The following KCNAB1 variants were observed in gnomAD, a reference collection of about 807,000 sequenced individuals.
KCNAB1 encodes voltage-gated potassium channel subunit beta-1.
A neutral mutation model predicts 64.6 loss-of-function variants in KCNAB1; 35 were observed. The ratio of observed to expected loss-of-function variants is 0.54; its 90% CI spans 0.41 to 0.72. The LOEUF (loss-of-function observed/expected upper bound fraction) is 0.72, where lower values mean the gene tolerates loss of function less well. Among genes scored for constraint, KCNAB1 ranks in the 30% least tolerant of loss-of-function variants. The probability of loss-of-function intolerance (pLI) is 0.00; values close to 1 mark genes in which losing one functional copy is unlikely to be tolerated. For missense variants in KCNAB1, 401 were observed against 512.9 expected, an observed-to-expected ratio of 0.78 and a Z score of 2.11; for synonymous variants, 177 against 183.8, an observed-to-expected ratio of 0.96 and a Z score of 0.30.
intron 1 of KCNAB1, among the ~76,000 whole-genome samples, chr3:156,136,994 G>C (rs966742979): frequency 6.6e-6 from 1 of 152,090 alleles, no homozygotes; most frequent in Non-Finnish European, 1.5e-5. Context: ...TATAGATGTA[G>C]TCACCAATAA....
At chr3:156,503,847 G>A (rs981761120) in intron 8 of KCNAB1, among the ~76,000 whole-genome samples, 9 of 152,130 alleles carry the variant, frequency 5.9e-5, no homozygotes, top group Non-Finnish European at 1.0e-4. Context: ...AATGTGTTGT[G>A]ATCAAATCAA....
chr3:156,324,635 A>G (rs902560176), intron 1 of KCNAB1, among the ~76,000 whole-genome samples: 2 of 152,186 alleles, frequency 1.3e-5, no homozygotes, highest in South Asian at 4.1e-4. Context: ...GCCAGCAGTC[A>G]CAGGCCTCTC....
intron 1 of KCNAB1, among the ~76,000 whole-genome samples, chr3:156,416,636 C>T (rs1446773775): frequency 6.6e-6 from 1 of 152,170 alleles, no homozygotes; most frequent in Non-Finnish European, 1.5e-5. Context: ...ATACCTGTCT[C>T]ACCTCCTATG....
At chr3:156,282,236 T>C (rs1416258816) in intron 1 of KCNAB1, among the ~76,000 whole-genome samples, 3 of 149,624 alleles carry the variant, frequency 2.0e-5, no homozygotes, top group African/African-American at 7.5e-5. Context: ...CAGTAGTCAT[T>C]CAGGAGCAGG....
intron 1 of KCNAB1, among the ~76,000 whole-genome samples, chr3:156,349,042 A>C (rs554979116): frequency 6.6e-6 from 1 of 152,250 alleles, no homozygotes; most frequent in South Asian, 2.1e-4. Flanking sequence ...GTTTCGCAGC[A>C]GGAGCTACTG....
chr3:156,396,750 A>G (rs148835092), intron 1 of KCNAB1, among the ~76,000 whole-genome samples: 50 of 152,300 alleles, frequency 3.3e-4, no homozygotes, highest in African/African-American at 1.1e-3. Context: ...TCCAATGACA[A>G]TTAATTATTC....
intron 1 of KCNAB1, among the ~76,000 whole-genome samples, chr3:156,127,884 G>GTGTGT (rs1553805265): frequency 6.8e-6 from 1 of 147,556 alleles, no homozygotes; most frequent in Non-Finnish European, 1.5e-5. Context: ...CTTCATTTGG[G>GTGTGT]GTGTGTGTGT....
chr3:156,514,971 A>G, intron 9 of KCNAB1, 129 bp from the exon 10 acceptor site: 1 of 865,836 alleles, frequency 1.2e-6, no homozygotes, highest in Non-Finnish European at 1.7e-6. Flanking sequence ...TTTGCTTATT[A>G]TTTGGCATCC....
chr3:156,187,613 C>T (rs1260366822), intron 1 of KCNAB1, among the ~76,000 whole-genome samples: 2 of 152,232 alleles, frequency 1.3e-5, no homozygotes, highest in South Asian at 2.1e-4. Flanking sequence ...GCCCTCTGTG[C>T]ATCTGGCAAG....
At chr3:156,175,819 CT>C in intron 1 of KCNAB1, 1 of 627,006 alleles carries the variant, frequency 1.6e-6, no homozygotes, top group Non-Finnish European at 3.0e-6. Context: ...CTTATGCAGT[CT>C]GAGGTCTCAA....
chr3:156,138,276 A>G (rs200128154), intron 1 of KCNAB1, among the ~76,000 whole-genome samples: 2 of 152,186 alleles, frequency 1.3e-5, no homozygotes, highest in East Asian at 3.8e-4. Context: ...TAGTGAGCAA[A>G]CACGTGAACA....
chr3:156,383,127 A>C (rs1218636849), intron 1 of KCNAB1, among the ~76,000 whole-genome samples: 1 of 152,210 alleles, frequency 6.6e-6, no homozygotes, highest in Non-Finnish European at 1.5e-5. Context: ...CTGCTCTTGC[A>C]AAATAGGCAG....
intron 11 of KCNAB1, among the ~76,000 whole-genome samples, chr3:156,521,550 C>G (rs1482442078): frequency 6.6e-6 from 1 of 152,160 alleles, no homozygotes; most frequent in Non-Finnish European, 1.5e-5. Context: ...AACATGTAAT[C>G]AAATCATTGC....
At chr3:156,428,535 C>CACACACACACACACA (rs1427108684) in intron 2 of KCNAB1, among the ~76,000 whole-genome samples, 1 of 91,802 alleles carries the variant, frequency 1.1e-5, no homozygotes, top group African/African-American at 6.2e-5. Context: ...ACACACACAC[C>CACACACACACACACA]CTATTGGTTC....
intron 1 of KCNAB1, among the ~76,000 whole-genome samples, chr3:156,247,274 C>A (rs953251311): frequency 6.6e-6 from 1 of 152,126 alleles, no homozygotes; most frequent in African/African-American, 2.4e-5. Flanking sequence ...TATGCAAAGC[C>A]TTATGAAGAC....
At chr3:156,293,348 TCTAA>T (rs1351939811) in intron 1 of KCNAB1, among the ~76,000 whole-genome samples, 3 of 152,256 alleles carry the variant, frequency 2.0e-5, no homozygotes, top group African/African-American at 7.2e-5. Context: ...ATTGTCCATA[TCTAA>T]CTATCTCTTG....
At chr3:156,212,753 G>T (rs1201842962) in intron 1 of KCNAB1, among the ~76,000 whole-genome samples, 3 of 152,166 alleles carry the variant, frequency 2.0e-5, no homozygotes, top group African/African-American at 7.2e-5. Flanking sequence ...CTGCAAGGAA[G>T]CACTTCTGGG....
chr3:156,306,026 G>A (rs1171865613), intron 1 of KCNAB1, among the ~76,000 whole-genome samples: 1 of 152,160 alleles, frequency 6.6e-6, no homozygotes. Context: ...CATGGCTTGT[G>A]AAACTGTATT....
chr3:156,120,925 C>T (rs776463937), intron 1 of KCNAB1, 39 bp downstream of exon 1: 3 of 1,603,196 alleles, frequency 1.9e-6, no homozygotes, highest in African/African-American at 1.3e-5. Context: ...TGGGAGACGC[C>T]GTTCGAAGGT....
Sources: allele counts gnomAD v4.1 joint callset (sites outside exome capture counted in the v4.1 genomes callset), GRCh38; gene constraint gnomAD v4.1.1; transcripts MANE v1.5; gene names NCBI Gene and HGNC (gene_info 2026-07-23, HGNC 2026-07-21).